Variants in CARS2 observed in about 807,000 individuals in gnomAD.
CARS2 encodes cysteinyl-tRNA synthetase 2, mitochondrial.
CARS2 carries 52 observed loss-of-function variants against 68.8 expected under a neutral mutation model. That is an observed-to-expected ratio of 0.76 (90% CI 0.61 to 0.95). CARS2 has a LOEUF of 0.95. Among genes scored for constraint, CARS2 ranks in the 40% least tolerant of loss-of-function variants. The probability of loss-of-function intolerance (pLI) is 0.00; values close to 1 mark genes in which losing one functional copy is unlikely to be tolerated. For missense variants in CARS2, 780 were observed against 754.2 expected (o/e 1.03, Z -0.40); for synonymous variants, 314 against 303.6 (o/e 1.03, Z -0.36).
In CARS2 at chr13:110,699,067, G is replaced by C. The variant is rs371753758; in HGVS notation, c.393+2371C>G. Reference sequence around the variant, plus strand: ...GGTGGGGGCAGGGGGCTTTTGGCAGGGCTTCTTTCTCTCCCCTTGACCTCT... The same window carrying C: ...GGTGGGGGCAGGGGGCTTTTGGCAGCGCTTCTTTCTCTCCCCTTGACCTCT... On this transcript the variant is annotated intron_variant, in intron 3 of 14. Transcript: ENST00000257347. Among the ~76,000 whole-genome samples, 10 of 152,234 alleles carry C rather than the reference G, an allele frequency of 6.6e-5. 1 individual carries two copies. Among genetic ancestry groups the C allele is most frequent in the African/African-American group, 2.4e-4 (10 of 41,524 alleles).
At chr13:110,641,693 T>C (rs1397143145) in intron 14 of CARS2, 85 bp from the exon 15 acceptor site, 2 of 1,109,982 alleles carry the variant, frequency 1.8e-6, no homozygotes, top group African/African-American at 3.1e-5. Flanking sequence ...AGGTTCAGGG[T>C]GCCTGTTCCC....
chr13:110,651,671 C>G (rs1252669431), intron 9 of CARS2, among the ~76,000 whole-genome samples: 2 of 152,266 alleles, frequency 1.3e-5, no homozygotes, highest in African/African-American at 2.4e-5. Flanking sequence ...CACCCAGCTT[C>G]TGGTTAAACC....
At chr13:110,647,633 G>T (rs1387109713) in intron 10 of CARS2, among the ~76,000 whole-genome samples, 1 of 96,786 alleles carries the variant, frequency 1.0e-5, no homozygotes, top group Non-Finnish European at 1.9e-5. Flanking sequence ...TGGGGTCAGA[G>T]GCACCTCTAG....
chr13:110,643,951 A>AGGTG (rs1887747036), intron 13 of CARS2: 1 of 371,704 alleles, frequency 2.7e-6, no homozygotes, highest in Non-Finnish European at 5.0e-6. Flanking sequence ...GGGAAGGTGC[A>AGGTG]GGTGACTCGT....
upstream of CARS2, among the ~76,000 whole-genome samples, chr13:110,710,524 T>A (rs918178737): frequency 6.6e-6 from 1 of 152,236 alleles, no homozygotes; most frequent in Non-Finnish European, 1.5e-5. Context: ...ATTTCTGTTC[T>A]ACGGAAAAGT....
chr13:110,679,589 AAGAAAGAAAGAGAGAGAG>A (rs1330874556), intron 6 of CARS2, among the ~76,000 whole-genome samples: 8 of 83,884 alleles, frequency 9.5e-5, no homozygotes, highest in Non-Finnish European at 1.6e-4. Flanking sequence ...GAAAGAAAGA[AAGAAAGAAAGAGAGAGAG>A]AGAGAGAGAG....
Position 110,705,783 on chromosome 13 carries a change from G to C in CARS2, c.224+87C>G. ...GCGCCCTCCATGCAGCTTCCTAAACGCCCTCCCCGAGCCCAGATCCCGTTC... is the reference window on the plus strand; with the variant it reads ...GCGCCCTCCATGCAGCTTCCTAAACCCCCTCCCCGAGCCCAGATCCCGTTC... On this transcript the variant is annotated intron_variant, in intron 1 of 14. Transcript: ENST00000257347. The surrounding 1 kb of genome is among the most constrained non-coding windows in gnomAD (Gnocchi z 4.0). 6.5e-7 allele frequency: 1 copy of C among 1,527,436 alleles called. No homozygotes were observed. The highest frequency in any genetic ancestry group is 8.8e-7 in the Non-Finnish European group (1 of 1,140,520). 94.6% of individuals were successfully genotyped at this position (1,527,436 alleles called of 1,614,324 possible).
In CARS2 at chr13:110,646,066, CA is replaced by C. The variant is rs752221052; in HGVS notation, c.1217del (p.Val406GlyfsTer33). On this transcript the variant is annotated frameshift_variant, in exon 12 of 15. Transcript: ENST00000257347. LOFTEE classifies it high-confidence loss of function. ...CAAAATCATCTGCCAAGGCCGCCTTCACGGCCCTCTTGGTGCTGGAGAGCCT... is the reference window on the plus strand; with the variant it reads ...CAAAATCATCTGCCAAGGCCGCCTTCCGGCCCTCTTGGTGCTGGAGAGCCT... ...WERLSSTKRA[V>X]KAALADDFDT... 2 of 1,613,826 alleles carry C rather than the reference CA, an allele frequency of 1.2e-6. No homozygotes were observed. Among genetic ancestry groups the C allele is most frequent in the Admixed American group, 1.7e-5 (1 of 59,990 alleles).
Position 110,698,246 on chromosome 13 carries a change from G to A in CARS2, c.393+3192C>T, listed in dbSNP as rs549531577. On this transcript the variant is annotated intron_variant, in intron 3 of 14. Coordinates refer to ENST00000257347, the MANE Select transcript of CARS2 (RefSeq NM_024537.4). ...TCAAAAAAAGAAATCCAGGCCAGGC[G>A]TGGTGGCTCACACCTGTAATCCTAG... is the stretch of plus-strand genomic sequence containing the variant. Among the ~76,000 whole-genome samples, 14 of 152,162 alleles carry A rather than the reference G, an allele frequency of 9.2e-5. No homozygotes were observed. In the East Asian group the frequency reaches 2.3e-3, roughly 25 times the overall value.
At position 110,642,521 on chromosome 13, in the gene CARS2, A is replaced by C. The variant is rs1479335550; in HGVS notation, c.1417T>G (p.Tyr473Asp). The C allele has an allele frequency of 6.2e-7, 1 of 1,608,862 alleles. No homozygotes were observed. Among genetic ancestry groups the C allele is most frequent in the East Asian group, 2.2e-5 (1 of 44,700 alleles). Residue 473 changes from tyrosine to aspartate, a missense_variant and splice_region_variant, in exon 14 of 15, where the codon TAC becomes GAC. Physicochemically the swap from Tyr to Asp is radical, Grantham distance 160. Transcript: ENST00000257347. Reference protein sequence around the residue: ...TVGISLANQQYVSGDGSEATL... With the variant: ...TVGISLANQQDVSGDGSEATL... Reference sequence around the variant, plus strand: ...GCCTCGCTGCCGTCTCCTGAAACGTACTGAAGCCAGCAGGGCGCGGTTACG... The same window carrying C: ...GCCTCGCTGCCGTCTCCTGAAACGTCCTGAAGCCAGCAGGGCGCGGTTACG...
chr13:110,667,562 T>A, intron 7 of CARS2, 89 bp from the exon 8 acceptor site: 3 of 1,169,214 alleles, frequency 2.6e-6, no homozygotes, highest in Non-Finnish European at 3.6e-6. Context: ...CCAGCCTTTT[T>A]AATTCAATGA....
intron 8 of CARS2, chr13:110,664,539 C>A (rs1205703263): frequency 7.8e-6 from 7 of 898,124 alleles, no homozygotes; most frequent in Non-Finnish European, 9.3e-6. Context: ...ATAAATACAC[C>A]AACCAACCAA....
At chr13:110,695,948 C>T (rs1018209313) in intron 3 of CARS2, among the ~76,000 whole-genome samples, 2 of 152,142 alleles carry the variant, frequency 1.3e-5, no homozygotes, top group Non-Finnish European at 2.9e-5. Context: ...CCCTGACAGG[C>T]GCCGGGTGTG....
upstream of CARS2, chr13:110,706,408 G>A (rs1280885749): frequency 5.1e-6 from 1 of 195,518 alleles, no homozygotes; most frequent in African/African-American, 2.3e-5. Context: ...CAGGTCCTGC[G>A]AGGCGTCCGT....
chr13:110,650,334 G>A (rs1331544958), intron 10 of CARS2: 1 of 152,248 alleles, frequency 6.6e-6, no homozygotes, highest in African/African-American at 2.4e-5. Context: ...CTGACCTCAA[G>A]TGATCCACCT....
At position 110,663,816 on chromosome 13, in the gene CARS2, A is replaced by G. The variant is rs192308769; in HGVS notation, c.920-298T>C. The G allele has an allele frequency of 3.4e-6, 4 of 1,164,706 alleles. No individual in the cohort carries two copies. In the East Asian group the frequency reaches 1.6e-4, roughly 48 times the overall value. 72.1% of individuals were successfully genotyped at this position (1,164,706 alleles called of 1,614,324 possible). A position where few individuals can be genotyped will look rare whatever the true frequency, so the allele number is the denominator to read the frequency against. On this transcript the variant is annotated intron_variant, in intron 8 of 14. Coordinates refer to ENST00000257347, the MANE Select transcript of CARS2 (RefSeq NM_024537.4). ...CAGCAACCGTGGTACTGACAGCAGT[A>G]TTTCATCTATTTTCTCCTCTCCTGT...
chr13:110,682,845 GA>G (rs1328933034), intron 6 of CARS2, among the ~76,000 whole-genome samples: 4 of 152,166 alleles, frequency 2.6e-5, no homozygotes, highest in Non-Finnish European at 4.4e-5. Flanking sequence ...GGCGGGGGTG[GA>G]CGATGCCCCA....
In CARS2 at chr13:110,647,388, G is replaced by A. The variant is rs1430389991; in HGVS notation, c.1055-149C>T. ...GGCTCTCACGCCCTCCAGTGACCGC[G>A]AGTCCCTAGGCCCACTGGACACAGA... On this transcript the variant is annotated intron_variant, in intron 10 of 14. Transcript: ENST00000257347. 119 of 932,448 alleles carry A rather than the reference G, an allele frequency of 1.3e-4. 1 individual carries two copies. In the South Asian group the frequency reaches 1.9e-3, roughly 15 times the overall value. The allele number at this position is 932,448 out of a possible 1,614,324, so 57.8% of individuals were successfully genotyped here. A position where few individuals can be genotyped will look rare whatever the true frequency, so the allele number is the denominator to read the frequency against.
intron 2 of CARS2, among the ~76,000 whole-genome samples, chr13:110,703,809 G>C (rs749641326): frequency 1.8e-4 from 27 of 152,246 alleles, no homozygotes; most frequent in Non-Finnish European, 3.1e-4. Context: ...ACTCCACACT[G>C]TAACTCACCT....
Sources: gnomAD v4.1 joint callset for allele counts (sites outside exome capture counted in the v4.1 genomes callset) on GRCh38, gnomAD v4.1.1 for gene constraint, Gnocchi (gnomAD v3.1) non-coding constraint, MANE v1.5 for transcripts, NCBI Gene and HGNC (gene_info 2026-07-23, HGNC 2026-07-21) for gene names.